Variants in SPATA13 observed in about 807,000 individuals in gnomAD.
SPATA13 encodes spermatogenesis-associated protein 13.
SPATA13 carries 50 observed loss-of-function variants against 104.0 expected under a neutral mutation model. That is an observed-to-expected ratio of 0.48 (90% CI 0.38 to 0.61). The LOEUF is 0.61. Ranked by LOEUF, SPATA13 falls within the 20% of genes least tolerant of loss-of-function variation. The pLI, the probability that SPATA13 is intolerant of heterozygous loss-of-function variation, is 0.00. For synonymous variants in SPATA13, 606 were observed against 667.5 expected, an observed-to-expected ratio of 0.91 and a Z score of 1.42; for missense variants, 1,524 against 1,690.6, an observed-to-expected ratio of 0.90 and a Z score of 1.73.
Position 24,302,748 on chromosome 13 carries a change from A to G in SPATA13, c.3809A>G (p.Asn1270Ser), listed in dbSNP as rs143829548. 1.5e-5 allele frequency: 24 copies of G among 1,614,036 alleles called. No homozygotes were observed. Among genetic ancestry groups the G allele is most frequent in the Non-Finnish European group, 1.9e-5 (22 of 1,180,036 alleles). The change falls in exon 13 of 13, where the codon AAC (asparagine) becomes AGC (serine). Residue 1270 changes from asparagine (N) to serine (S), a missense_variant. Transcript: ENST00000382108. Reference protein sequence around the residue: ...RKSSLFWHTFNRLTPFRK With the variant: ...RKSSLFWHTFSRLTPFRK ...TCCTCGCTCTTCTGGCACACCTTCAACAGGCTCACCCCCTTCCGGAAATGA... is the reference window on the plus strand; with the variant it reads ...TCCTCGCTCTTCTGGCACACCTTCAGCAGGCTCACCCCCTTCCGGAAATGA...
intron 2 of SPATA13, among the ~76,000 whole-genome samples, chr13:24,238,312 A>G (rs1180592907): frequency 2.6e-5 from 4 of 151,880 alleles, no homozygotes; most frequent in African/African-American, 4.8e-5. Context: ...GTGCACCACC[A>G]TGCCCGGCTA....
At position 24,224,483 on chromosome 13, in the gene SPATA13, G is replaced by A. The variant is rs1000619855; in HGVS notation, c.1554G>A (p.Leu518=). The A allele has an allele frequency of 4.5e-6, 7 of 1,550,810 alleles. No homozygotes were observed. In the Admixed American group the frequency reaches 1.4e-4, roughly 30 times the overall value. The stretch of plus-strand genomic sequence containing the variant: ...AGAGAGAGCCAGGGCCTGTGTCCTT[G>A]CAGGATCCCCTGGAAGCCACACATG... ...PAQREPGPVS[L]QDPLEATHGD... is the part of the protein sequence containing the mutation. The change falls in exon 2 of 13, where the codon TTG becomes TTA. Residue 518 remains leucine (L), a synonymous_variant. Coordinates refer to ENST00000382108, the MANE Select transcript of SPATA13 (RefSeq NM_001166271.3).
rs190559007 is a variant in SPATA13, at chr13:24,290,798, C to T, written c.2994C>T (p.Asp998=). ...AGCAGATGATTGACATCGCCATCGA[C>T]GGGTTCCTGCTCACACCAGTGCAGA... ...LLQQMIDIAI[D]GFLLTPVQKI... The change falls in exon 9 of 13, where the codon GAC becomes GAT. Residue 998 remains aspartate (D), a synonymous_variant. Coordinates refer to ENST00000382108, the MANE Select transcript of SPATA13 (RefSeq NM_001166271.3). The T allele has an allele frequency of 3.8e-5, 62 of 1,614,206 alleles. No homozygotes were observed. The highest frequency in any genetic ancestry group is 8.9e-5 in the East Asian group (4 of 44,882).
At chr13:24,083,289 T>TCTTG (rs1169626222) in intron 3 of SPATA13, among the ~76,000 whole-genome samples, 4 of 152,214 alleles carry the variant, frequency 2.6e-5, no homozygotes, top group Admixed American at 2.6e-4. Context: ...TGACACCAGC[T>TCTTG]CTTGCCACCT....
chr13:24,074,826 G>C (rs1159597892), intron 3 of SPATA13, among the ~76,000 whole-genome samples: 2 of 152,204 alleles, frequency 1.3e-5, no homozygotes, highest in African/African-American at 4.8e-5. Flanking sequence ...ATGCTGCCAC[G>C]TGGTCAGAGA....
intron 3 of SPATA13, among the ~76,000 whole-genome samples, chr13:24,134,795 T>C (rs1881504566): frequency 6.6e-6 from 1 of 152,194 alleles, no homozygotes; most frequent in South Asian, 2.1e-4. Context: ...CACTCGTTGT[T>C]ATGGACAGAA....
At chr13:24,036,712 C>T (rs1877696918) in intron 3 of SPATA13, among the ~76,000 whole-genome samples, 1 of 152,128 alleles carries the variant, frequency 6.6e-6, no homozygotes, top group Non-Finnish European at 1.5e-5. Flanking sequence ...GTGAAGGCTG[C>T]TCTCACCTTA....
At chr13:24,080,526 G>A (rs1047726880) in intron 3 of SPATA13, among the ~76,000 whole-genome samples, 2 of 152,186 alleles carry the variant, frequency 1.3e-5, no homozygotes, top group Non-Finnish European at 2.9e-5. Flanking sequence ...GGATCACTGC[G>A]CACACACAGC....
At chr13:24,155,722 T>C (rs1263608729), upstream of SPATA13, among the ~76,000 whole-genome samples, 1 of 152,206 alleles carries the variant, frequency 6.6e-6, no homozygotes, top group Non-Finnish European at 1.5e-5. Flanking sequence ...CAATTTTAAG[T>C]GTGCAATTCA....
intron 4 of SPATA13, among the ~76,000 whole-genome samples, chr13:24,273,644 C>T (rs1397637722): frequency 6.6e-6 from 1 of 152,078 alleles, no homozygotes; most frequent in Non-Finnish European, 1.5e-5. Flanking sequence ...AGAGTAGGGA[C>T]AGGATATAAA....
intron 3 of SPATA13, among the ~76,000 whole-genome samples, chr13:24,066,630 C>T (rs1270208521): frequency 6.6e-6 from 1 of 152,202 alleles, no homozygotes; most frequent in Non-Finnish European, 1.5e-5. Flanking sequence ...ACAATGGCTC[C>T]TTTCATGCCA....
chr13:24,294,833 A>C lies in SPATA13; in HGVS notation c.3175A>C (p.Ile1059Leu), dbSNP rs1387378056. The C allele has an allele frequency of 6.2e-7, 1 of 1,611,008 alleles. No individual in the cohort carries two copies. The highest frequency in any genetic ancestry group is 8.5e-7 in the Non-Finnish European group (1 of 1,177,278). ...GCGCAAGCTGGAGAGCATCGACAAG[A>C]TAGCTCGCTGGCAGGTGTCTATCGT... Reference protein sequence around the residue: ...RKRKLESIDKIARWQVSIVGW... With the variant: ...RKRKLESIDKLARWQVSIVGW... Residue 1059 changes from isoleucine to leucine, a missense_variant, in exon 10 of 13, where the codon ATA becomes CTA. Transcript: ENST00000382108.
At chr13:24,277,122 T>G (rs1384697355) in intron 4 of SPATA13, among the ~76,000 whole-genome samples, 2 of 152,212 alleles carry the variant, frequency 1.3e-5, no homozygotes, top group African/African-American at 4.8e-5. Flanking sequence ...ATGTCATTTC[T>G]TGTGACATCA....
intron 3 of SPATA13, among the ~76,000 whole-genome samples, chr13:24,139,842 C>A (rs4769326): frequency 1.3e-5 from 2 of 151,882 alleles, no homozygotes; most frequent in African/African-American, 2.4e-5. Flanking sequence ...CCAAGGAGGG[C>A]GGATAACGAG....
intron 2 of SPATA13, among the ~76,000 whole-genome samples, chr13:24,016,343 A>C (rs1306991000): frequency 6.6e-6 from 1 of 152,062 alleles, no homozygotes; most frequent in Admixed American, 6.5e-5. Flanking sequence ...AGTAGCTACC[A>C]TTTCCATTTG....
At chr13:24,291,773 G>A (rs28564264) in intron 9 of SPATA13, among the ~76,000 whole-genome samples, 8,044 of 138,126 alleles carry the variant, frequency 0.058, 305 homozygotes, top group Non-Finnish European at 0.077. Context: ...TTTTTGAGAC[G>A]GAGTCTCGTT....
intron 4 of SPATA13, chr13:24,278,712 C>T: frequency 6.4e-7 from 1 of 1,563,560 alleles, no homozygotes; most frequent in Non-Finnish European, 8.6e-7. Context: ...TGGGTTTTAT[C>T]ATCCACATTC....
intron 4 of SPATA13, among the ~76,000 whole-genome samples, chr13:24,280,491 CTTT>C (rs57348867): frequency 6.2e-5 from 9 of 144,974 alleles, no homozygotes; most frequent in Non-Finnish European, 7.5e-5. Context: ...CTGAGATGCA[CTTT>C]TTTTTTTTTT....
chr13:24,080,803 T>G (rs1337574122), intron 3 of SPATA13, among the ~76,000 whole-genome samples: 1 of 152,230 alleles, frequency 6.6e-6, no homozygotes, highest in East Asian at 1.9e-4. Flanking sequence ...CATTACTGTA[T>G]GCCTCGTGGG....
Sources: gnomAD v4.1 joint callset for allele counts (sites outside exome capture counted in the v4.1 genomes callset) on GRCh38, gnomAD v4.1.1 for gene constraint, MANE v1.5 for transcripts, NCBI Gene and HGNC (gene_info 2026-07-23, HGNC 2026-07-21) for gene names.